The following LUZP2 variants were observed in gnomAD, a reference collection of about 807,000 sequenced individuals.
The protein encoded by LUZP2 is leucine zipper protein 2.
In LUZP2, 52 loss-of-function variants were observed where a neutral mutation model predicts 51.6. The ratio of observed to expected loss-of-function variants is 1.01; its 90% confidence interval spans 0.81 to 1.27. The LOEUF (loss-of-function observed/expected upper bound fraction) is 1.27. LUZP2 is among the 50% of genes most tolerant of loss of function. The pLI is 0.00. For synonymous variants in LUZP2, 154 were observed against 137.3 expected, an observed-to-expected ratio of 1.12 and a Z score of -0.85; for missense variants, 436 against 395.4, an observed-to-expected ratio of 1.10 and a Z score of -0.87.
intron 1 of LUZP2, among the ~76,000 whole-genome samples, chr11:24,655,079 C>G (rs1855761111): frequency 6.6e-6 from 1 of 152,094 alleles, no homozygotes; most frequent in South Asian, 2.1e-4. Context: ...TATGATTCAT[C>G]TGGACATCAG....
intron 7 of LUZP2, among the ~76,000 whole-genome samples, chr11:24,948,393 A>C (rs1854959733): frequency 6.6e-6 from 1 of 151,606 alleles, no homozygotes; most frequent in South Asian, 2.1e-4. Context: ...TAACTCTTTT[A>C]AATTATTTAT....
rs60530495 is a variant in LUZP2 at position 24,984,549 on chromosome 11, T to TATATATATATATAAAA, written c.765+1257_765+1258insTATATATATATAAAAA. ...TTATATATATATATATATATATATA[T>TATATATATATATAAAA]AATTGTGAATTTTAAAAGCCACAAG... On this transcript the variant is annotated intron_variant, in intron 9 of 11. Coordinates refer to ENST00000336930, the MANE Select transcript of LUZP2 (RefSeq NM_001009909.4). 4.9e-3 allele frequency among the ~76,000 whole-genome samples: 351 copies of TATATATATATATAAAA among 71,186 alleles called. 5 individuals carry two copies. The highest frequency in any genetic ancestry group is 0.016 in the African/African-American group (324 of 20,856). 46.7% of individuals were successfully genotyped at this position (71,186 alleles called of 152,430 possible).
Position 24,673,455 on chromosome 11 carries a change from C to A in LUZP2, c.63-55714C>A, listed in dbSNP as rs535175223. The stretch of plus-strand genomic sequence containing the variant: ...CTAGAAGGGCCCTAGATGGTCCTTG[C>A]AGGGTGCAGGGGTGGTCATGGGTGT... On this transcript the variant is annotated intron_variant, in intron 1 of 11. Coordinates refer to ENST00000336930, the MANE Select transcript of LUZP2 (RefSeq NM_001009909.4). Among the ~76,000 whole-genome samples the A allele has an allele frequency of 8.5e-5, 13 of 152,266 alleles. No individual in the cohort carries two copies. The South Asian group carries it at 2.7e-3, about 32-fold the overall frequency.
intron 1 of LUZP2, among the ~76,000 whole-genome samples, chr11:24,706,281 A>G (rs1325831620): frequency 1.3e-5 from 2 of 152,152 alleles, no homozygotes; most frequent in African/African-American, 4.8e-5. Flanking sequence ...CGTTTATTGA[A>G]TGCCAGGAGC....
chr11:24,911,086 G>T (rs1853619083), intron 6 of LUZP2, among the ~76,000 whole-genome samples: 1 of 152,162 alleles, frequency 6.6e-6, no homozygotes, highest in African/African-American at 2.4e-5. Flanking sequence ...ATTGCATGGA[G>T]CCTGTGGCCC....
intron 9 of LUZP2, among the ~76,000 whole-genome samples, chr11:25,028,176 A>G (rs1857550519): frequency 6.6e-6 from 1 of 152,144 alleles, no homozygotes; most frequent in Admixed American, 6.6e-5. Flanking sequence ...AGTATTCATC[A>G]TTTCAAGCAT....
At chr11:24,769,936 A>T (rs1348881826) in intron 5 of LUZP2, among the ~76,000 whole-genome samples, 1 of 151,970 alleles carries the variant, frequency 6.6e-6, no homozygotes, top group Non-Finnish European at 1.5e-5. Flanking sequence ...AGGACTATAG[A>T]CATGCACCAG....
rs145909137 is a variant in LUZP2 at position 24,898,884 on chromosome 11, A to G, written c.397-7107A>G. Among the ~76,000 whole-genome samples the G allele has an allele frequency of 9.3e-3, 1,406 of 151,762 alleles. 18 individuals carry two copies. The highest frequency in any genetic ancestry group is 0.014 in the Non-Finnish European group (985 of 68,016). On this transcript the variant is annotated intron_variant, in intron 5 of 11. Coordinates refer to ENST00000336930, the MANE Select transcript of LUZP2 (RefSeq NM_001009909.4). ...GTACAGTGTTCTATTAGATGGGACCAATGTTAAAAATAAACTCTGAGTTAA... is the reference window on the plus strand; with the variant it reads ...GTACAGTGTTCTATTAGATGGGACCGATGTTAAAAATAAACTCTGAGTTAA...
At chr11:24,598,444 T>C (rs539698888) in intron 1 of LUZP2, among the ~76,000 whole-genome samples, 134 of 152,164 alleles carry the variant, frequency 8.8e-4, no homozygotes, top group African/African-American at 3.1e-3. Context: ...GCAGAAGATG[T>C]AATAGAGGGC....
rs560633453 is a variant in LUZP2 at position 25,008,091 on chromosome 11, C to T, written c.765+24798C>T. Among the ~76,000 whole-genome samples, 10 of 152,300 alleles carry T rather than the reference C, an allele frequency of 6.6e-5. No homozygotes were observed. The South Asian group carries it at 1.0e-3, about 16-fold the overall frequency. ...CAAGATGGAAATCTGTGTGACCAGTCGTGTCCTTACCTGGGCTTGGCTCAG... is the reference window on the plus strand; with the variant it reads ...CAAGATGGAAATCTGTGTGACCAGTTGTGTCCTTACCTGGGCTTGGCTCAG... On this transcript the variant is annotated intron_variant, in intron 9 of 11. Transcript: ENST00000336930.
At chr11:24,723,949 GT>G (rs1180223423) in intron 1 of LUZP2, among the ~76,000 whole-genome samples, 6 of 152,104 alleles carry the variant, frequency 3.9e-5, no homozygotes, top group Non-Finnish European at 8.8e-5. Flanking sequence ...GACATTTGAT[GT>G]ATATGATTTA....
At chr11:24,958,887 G>A (rs1375568354) in intron 7 of LUZP2, among the ~76,000 whole-genome samples, 1 of 152,116 alleles carries the variant, frequency 6.6e-6, no homozygotes. Flanking sequence ...ATGGTTTTAG[G>A]TCTAACATTT....
intron 1 of LUZP2, among the ~76,000 whole-genome samples, chr11:24,726,286 T>C (rs1031720887): frequency 6.6e-6 from 1 of 151,986 alleles, no homozygotes; most frequent in African/African-American, 2.4e-5. Context: ...AATTTTCTTT[T>C]AAGAAAAAGG....
intron 1 of LUZP2, among the ~76,000 whole-genome samples, chr11:24,659,535 T>G (rs1297560671): frequency 6.6e-6 from 1 of 151,874 alleles, no homozygotes; most frequent in Non-Finnish European, 1.5e-5. Context: ...CAAACCTGCA[T>G]GTTGTGCACA....
intron 4 of LUZP2, 34 bp from the exon 5 acceptor site, chr11:24,763,212 G>T: frequency 2.1e-6 from 2 of 967,124 alleles, no homozygotes; most frequent in South Asian, 2.1e-5. Flanking sequence ...AATGAGTTTG[G>T]AATGTGTCTA....
intron 7 of LUZP2, among the ~76,000 whole-genome samples, chr11:24,924,170 C>T (rs1486924751): frequency 4.6e-5 from 7 of 151,778 alleles, no homozygotes; most frequent in African/African-American, 1.5e-4. Flanking sequence ...CTCTGCCTCC[C>T]GCGTTCAAGT....
intron 10 of LUZP2, among the ~76,000 whole-genome samples, chr11:25,074,884 T>G (rs1859256472): frequency 6.6e-6 from 1 of 152,246 alleles, no homozygotes; most frequent in African/African-American, 2.4e-5. Context: ...TGAGAAGAAC[T>G]ACAATAAATA....
chr11:24,818,882 T>C (rs545359827), intron 5 of LUZP2, among the ~76,000 whole-genome samples: 3 of 152,162 alleles, frequency 2.0e-5, no homozygotes, highest in South Asian at 4.1e-4. Flanking sequence ...GTCTGTAAGT[T>C]TGCACAGACC....
chr11:24,707,889 T>G (rs1046253054), intron 1 of LUZP2, among the ~76,000 whole-genome samples: 1 of 152,140 alleles, frequency 6.6e-6, no homozygotes, highest in Non-Finnish European at 1.5e-5. Context: ...AGTACAAACT[T>G]GGACAAGGAA....
Sources: gnomAD v4.1 joint callset for allele counts (sites outside exome capture counted in the v4.1 genomes callset) on GRCh38, gnomAD v4.1.1 for gene constraint, MANE v1.5 for transcripts, NCBI Gene and HGNC (gene_info 2026-07-23, HGNC 2026-07-21) for gene names.